Variants in DNAL1 observed in about 807,000 individuals in gnomAD.
DNAL1 encodes chromosome 14 open reading frame 168.
In DNAL1, 17 loss-of-function variants were observed where a neutral mutation model predicts 29.4. The ratio of observed to expected loss-of-function variants is 0.58; its 90% CI spans 0.40 to 0.87. DNAL1 has a LOEUF of 0.87. DNAL1 is among the 40% of genes least tolerant of loss of function. The probability of loss-of-function intolerance (pLI) is 0.00; values close to 1 mark genes in which losing one functional copy is unlikely to be tolerated. For synonymous variants in DNAL1, 78 were observed against 76.3 expected, an observed-to-expected ratio of 1.02 and a Z score of -0.12; for missense variants, 188 against 214.1, an observed-to-expected ratio of 0.88 and a Z score of 0.76.
chr14:73,657,080 G>A (rs1483232808), intron 2 of DNAL1, among the ~76,000 whole-genome samples: 2 of 151,892 alleles, frequency 1.3e-5, no homozygotes, highest in South Asian at 2.1e-4. Context: ...CATTGTGCCC[G>A]GCCTATTTTC....
At chr14:73,662,807 C>CTTT (rs61249050) in intron 4 of DNAL1, among the ~76,000 whole-genome samples, 3 of 135,284 alleles carry the variant, frequency 2.2e-5, no homozygotes, top group East Asian at 4.5e-4. Flanking sequence ...CTGCAAAGTA[C>CTTT]TTTTTTTTTT....
chr14:73,652,541 G>A (rs1468464264), intron 1 of DNAL1, among the ~76,000 whole-genome samples: 5 of 152,186 alleles, frequency 3.3e-5, no homozygotes, highest in Admixed American at 6.5e-5. Flanking sequence ...CTCCCAAAGC[G>A]CTGGGATTAC....
At chr14:73,660,407 A>C (rs1891316268) in intron 3 of DNAL1, among the ~76,000 whole-genome samples, 1 of 152,196 alleles carries the variant, frequency 6.6e-6, no homozygotes, top group Non-Finnish European at 1.5e-5. Flanking sequence ...TCAGGGCTAT[A>C]GTATACCATA....
chr14:73,682,880 T>G (rs868419390), intron 5 of DNAL1, among the ~76,000 whole-genome samples: 1 of 148,994 alleles, frequency 6.7e-6, no homozygotes, highest in African/African-American at 2.5e-5. Context: ...TTTTTTTTTT[T>G]TTTTTTTTTT....
At chr14:73,677,884 T>TGTGTGTGTGTGTGTG (rs1555402397) in intron 5 of DNAL1, among the ~76,000 whole-genome samples, 114 of 96,128 alleles carry the variant, frequency 1.2e-3, no homozygotes, top group African/African-American at 4.3e-3. Flanking sequence ...ATATATATAT[T>TGTGTGTGTGTGTGTG]TGTGTGTGTG....
At chr14:73,647,658 T>C (rs867062982) in intron 1 of DNAL1, among the ~76,000 whole-genome samples, 48 of 152,196 alleles carry the variant, frequency 3.2e-4, no homozygotes, top group Admixed American at 9.8e-4. Flanking sequence ...GTTTTACTTA[T>C]TAGTTAAGTC....
chr14:73,655,228 A>C (rs1230914923), intron 2 of DNAL1, among the ~76,000 whole-genome samples: 2 of 152,184 alleles, frequency 1.3e-5, no homozygotes, highest in African/African-American at 4.8e-5. Flanking sequence ...CATAATAAAA[A>C]TTTCAATTTA....
intron 6 of DNAL1, 35 bp from the exon 7 acceptor site, chr14:73,689,340 G>A: frequency 6.5e-7 from 1 of 1,549,586 alleles, no homozygotes; most frequent in Non-Finnish European, 8.7e-7. Context: ...CCAAAACTTA[G>A]TGTTTTAATA....
At chr14:73,687,725 T>C (rs1892054844) in intron 6 of DNAL1, among the ~76,000 whole-genome samples, 1 of 151,906 alleles carries the variant, frequency 6.6e-6, no homozygotes, top group African/African-American at 2.4e-5. Flanking sequence ...ACAAAAAAAT[T>C]AGCCGGGCGT....
rs183484275 is a variant in DNAL1 at position 73,662,376 on chromosome 14, C to T, written c.208+334C>T. Among the ~76,000 whole-genome samples the T allele has an allele frequency of 2.8e-4, 42 of 152,230 alleles. 1 individual carries two copies. The highest frequency in any genetic ancestry group is 1.0e-3 in the African/African-American group (42 of 41,518). ...ATATTTAAATTTTAATTCATCATCC[C>T]TGTTTTTCCTGTGCTCCTTATCCTC... On this transcript the variant is annotated intron_variant, in intron 4 of 7. Coordinates refer to ENST00000553645, the MANE Select transcript of DNAL1 (RefSeq NM_031427.4).
chr14:73,688,451 TAAAAATAC>T (rs1256109511), intron 6 of DNAL1, among the ~76,000 whole-genome samples: 6 of 151,876 alleles, frequency 4.0e-5, no homozygotes, highest in East Asian at 1.9e-4. Context: ...TTTTTTTTTG[TAAAAATAC>T]AAAAATACAA....
chr14:73,681,190 G>GT (rs1488325890), intron 5 of DNAL1, among the ~76,000 whole-genome samples: 1 of 151,208 alleles, frequency 6.6e-6, no homozygotes, highest in Non-Finnish European at 1.5e-5. Flanking sequence ...CTGGAGTGCA[G>GT]TGGCACCCTG....
In DNAL1 at chr14:73,699,629, G is replaced by A. The variant is rs1172780443; in HGVS notation, c.*3687G>A. 1 of 152,090 alleles carries A rather than the reference G, an allele frequency of 6.6e-6. No individual in the cohort carries two copies. The allele number at this position is 152,090 out of a possible 1,614,324, so 9.4% of individuals were successfully genotyped here. The stretch of plus-strand genomic sequence containing the variant: ...TAATGCTCATTTTCATAATTTTCAT[G>A]TAATATTAGAAACTCAGGGCTGGAA... On this transcript the variant is annotated 3_prime_UTR_variant, in exon 8 of 8. Coordinates refer to ENST00000553645, the MANE Select transcript of DNAL1 (RefSeq NM_031427.4).
intron 1 of DNAL1, among the ~76,000 whole-genome samples, chr14:73,654,081 A>G (rs189624793): frequency 5.9e-4 from 90 of 152,324 alleles, no homozygotes; most frequent in Non-Finnish European, 9.6e-4. Flanking sequence ...TATGATATGA[A>G]ATAAAGTGGT....
intron 5 of DNAL1, among the ~76,000 whole-genome samples, chr14:73,672,623 AAAAG>A (rs1486340836): frequency 1.3e-5 from 2 of 150,398 alleles, no homozygotes; most frequent in African/African-American, 5.0e-5. Context: ...AAAAAAAAAA[AAAAG>A]AAATTCTTAA....
At chr14:73,660,901 C>T (rs186768999) in intron 3 of DNAL1, among the ~76,000 whole-genome samples, 2 of 152,272 alleles carry the variant, frequency 1.3e-5, no homozygotes, top group East Asian at 3.9e-4. Flanking sequence ...TGCTAGCTGC[C>T]TTAACAAGAA....
intron 5 of DNAL1, among the ~76,000 whole-genome samples, chr14:73,684,209 G>A (rs915265260): frequency 2.6e-5 from 4 of 152,072 alleles, no homozygotes; most frequent in African/African-American, 9.7e-5. Context: ...TGGACACTTA[G>A]GTTGATTCCA....
intron 4 of DNAL1, among the ~76,000 whole-genome samples, chr14:73,669,984 TACACAC>T (rs35574600): frequency 3.3e-5 from 5 of 150,948 alleles, no homozygotes; most frequent in African/African-American, 7.3e-5. Flanking sequence ...CACACACACA[TACACAC>T]ACACACACAC....
At position 73,662,056 on chromosome 14, in the gene DNAL1, A is replaced by G. The variant is rs1229117566; in HGVS notation, c.208+14A>G. The stretch of plus-strand genomic sequence containing the variant: ...TGAATGGCTTAAGTAAGTGATTCAC[A>G]GTAACAGATGGTTCATGGATTTCCT... On this transcript the variant is annotated intron_variant, in intron 4 of 7. Coordinates refer to ENST00000553645, the MANE Select transcript of DNAL1 (RefSeq NM_031427.4). 1.3e-6 allele frequency: 2 copies of G among 1,549,336 alleles called. No individual in the cohort carries two copies. Among genetic ancestry groups the G allele is most frequent in the Non-Finnish European group, 8.8e-7 (1 of 1,142,544 alleles).
Sources: gnomAD v4.1 joint callset for allele counts (sites outside exome capture counted in the v4.1 genomes callset) on GRCh38, gnomAD v4.1.1 for gene constraint, MANE v1.5 for transcripts, NCBI Gene and HGNC (gene_info 2026-07-23, HGNC 2026-07-21) for gene names.